Variants in EPHB1 observed in about 807,000 individuals in gnomAD.
The protein encoded by EPHB1 is ephrin type-B receptor 1.
EPHB1 carries 30 observed loss-of-function variants against 94.4 expected under a neutral mutation model. The observed-to-expected ratio is 0.32, with a 90% confidence interval of 0.24 to 0.43. EPHB1 has a LOEUF of 0.43. Ranked by LOEUF, EPHB1 falls within the 20% of genes least tolerant of loss-of-function variation. EPHB1 has a pLI of 1.00. For missense variants in EPHB1, 1,055 were observed against 1,308.3 expected (o/e 0.81, Z 2.99); for synonymous variants, 522 against 489.1 (o/e 1.07, Z -0.89).
At chr3:135,236,979 G>A (rs191005834) in intron 12 of EPHB1, among the ~76,000 whole-genome samples, 8 of 152,176 alleles carry the variant, frequency 5.3e-5, no homozygotes, top group African/African-American at 7.2e-5. Flanking sequence ...TAACCTCACC[G>A]TGGCAAGACA....
intron 3 of EPHB1, among the ~76,000 whole-genome samples, chr3:135,104,091 A>C (rs1452417776): frequency 6.6e-6 from 1 of 152,200 alleles, no homozygotes; most frequent in Non-Finnish European, 1.5e-5. Context: ...TGAATGCTTG[A>C]GTCATCACCT....
At chr3:135,133,107 GGCAGGGACACAGCT>G in intron 5 of EPHB1, 58 bp downstream of exon 5, 1 of 1,490,500 alleles carries the variant, frequency 6.7e-7, no homozygotes, top group Non-Finnish European at 9.1e-7. Flanking sequence ...TTTGTCTCTA[GGCAGGGACACAGCT>G]GCAGCCACAC....
At chr3:135,183,070 C>G (rs1942220447) in intron 10 of EPHB1, among the ~76,000 whole-genome samples, 1 of 119,408 alleles carries the variant, frequency 8.4e-6, no homozygotes, top group Admixed American at 9.2e-5. Flanking sequence ...TTCTTTCTTT[C>G]TTTCTTTCTC....
At chr3:135,155,274 G>GTAGAGA (rs1941316252) in intron 6 of EPHB1, among the ~76,000 whole-genome samples, 1 of 152,140 alleles carries the variant, frequency 6.6e-6, no homozygotes, top group Non-Finnish European at 1.5e-5. Context: ...AAGTAGAGGG[G>GTAGAGA]TAGAGATAGG....
intron 1 of EPHB1, among the ~76,000 whole-genome samples, chr3:134,903,015 C>T (rs1164535837): frequency 6.6e-6 from 1 of 152,234 alleles, no homozygotes; most frequent in Non-Finnish European, 1.5e-5. Context: ...ACCCTGGCCA[C>T]CCTTCCGCAG....
chr3:134,922,578 C>T (rs987820714), intron 1 of EPHB1, among the ~76,000 whole-genome samples: 31 of 152,178 alleles, frequency 2.0e-4, no homozygotes, highest in African/African-American at 3.4e-4. Context: ...AGTCCTTGGA[C>T]GACAAAGAAG....
intron 1 of EPHB1, among the ~76,000 whole-genome samples, chr3:134,819,183 C>T (rs913961099): frequency 9.9e-5 from 15 of 152,124 alleles, no homozygotes; most frequent in Admixed American, 5.9e-4. Flanking sequence ...GAGAAATGGA[C>T]GTTAGGTAGG....
At chr3:135,020,887 T>C (rs1401710688) in intron 3 of EPHB1, among the ~76,000 whole-genome samples, 2 of 152,202 alleles carry the variant, frequency 1.3e-5, no homozygotes, top group Non-Finnish European at 2.9e-5. Context: ...TAAATAGTAA[T>C]AGGGTGAGAG....
intron 15 of EPHB1, among the ~76,000 whole-genome samples, chr3:135,251,474 A>G (rs1559892494): frequency 6.6e-6 from 1 of 152,212 alleles, no homozygotes; most frequent in Non-Finnish European, 1.5e-5. Flanking sequence ...TGACAAAGAT[A>G]AGGGGAAGAC....
chr3:135,189,603 C>T (rs565647438), intron 10 of EPHB1, among the ~76,000 whole-genome samples: 83 of 152,354 alleles, frequency 5.4e-4, no homozygotes, highest in African/African-American at 1.7e-3. Context: ...TGTCAATGTG[C>T]AGGCTGTATC....
chr3:135,077,774 G>C (rs1368990186), intron 3 of EPHB1, among the ~76,000 whole-genome samples: 2 of 152,196 alleles, frequency 1.3e-5, no homozygotes, highest in Non-Finnish European at 2.9e-5. Context: ...ACTGGAAGTA[G>C]GAAGCTCAGG....
In EPHB1 at chr3:134,959,966, C is replaced by CTTTTTTTTTTT. The variant is rs61369813; in HGVS notation, c.805+7946_805+7956dup. Among the ~76,000 whole-genome samples, 27 of 107,416 alleles carry CTTTTTTTTTTT rather than the reference C, an allele frequency of 2.5e-4. 1 individual carries two copies. Among genetic ancestry groups the CTTTTTTTTTTT allele is most frequent in the Non-Finnish European group, 3.8e-4 (20 of 52,114 alleles). 70.5% of individuals were successfully genotyped at this position (107,416 alleles called of 152,430 possible). A position where few individuals can be genotyped will look rare whatever the true frequency, so the allele number is the denominator to read the frequency against. On this transcript the variant is annotated intron_variant, in intron 3 of 15. Coordinates refer to ENST00000398015, the MANE Select transcript of EPHB1 (RefSeq NM_004441.5). ...AGAATTTGAGCACAAACATCTGCAC[C>CTTTTTTTTTTT]TTTTTTTTTTTTTTTTTTTTTTTTT...
chr3:134,851,999 G>A (rs968320979), intron 1 of EPHB1, among the ~76,000 whole-genome samples: 1 of 152,184 alleles, frequency 6.6e-6, no homozygotes, highest in Non-Finnish European at 1.5e-5. Flanking sequence ...CTCTGTCCAA[G>A]GGTGGATTTT....
intron 4 of EPHB1, among the ~76,000 whole-genome samples, chr3:135,122,029 C>T (rs1490422027): frequency 6.6e-6 from 1 of 152,090 alleles, no homozygotes; most frequent in East Asian, 1.9e-4. Context: ...CTGGCCATCT[C>T]CAGGCTCAGG....
intron 1 of EPHB1, among the ~76,000 whole-genome samples, chr3:134,902,391 C>T (rs1017762988): frequency 6.6e-6 from 1 of 152,162 alleles, no homozygotes. Flanking sequence ...GAAGTGGTCT[C>T]CAAAACTCCA....
At chr3:134,967,647 C>A (rs1216174402) in intron 3 of EPHB1, among the ~76,000 whole-genome samples, 1 of 152,170 alleles carries the variant, frequency 6.6e-6, no homozygotes. Flanking sequence ...AAGGCCCTCA[C>A]CAGATGTAGC....
chr3:134,824,750 T>C (rs1021278730), intron 1 of EPHB1, among the ~76,000 whole-genome samples: 2 of 152,196 alleles, frequency 1.3e-5, no homozygotes, highest in African/African-American at 2.4e-5. Context: ...TCTGGGAACC[T>C]AGTCGCTGTG....
chr3:134,846,493 A>T (rs1044359189), intron 1 of EPHB1, among the ~76,000 whole-genome samples: 6 of 152,098 alleles, frequency 3.9e-5, no homozygotes, highest in Non-Finnish European at 5.9e-5. Flanking sequence ...TTGCCCTGGG[A>T]ATTTTATAGC....
intron 1 of EPHB1, among the ~76,000 whole-genome samples, chr3:134,807,553 G>GAGA (rs1367529291): frequency 6.9e-6 from 1 of 145,964 alleles, no homozygotes; most frequent in Non-Finnish European, 1.5e-5. Context: ...GAGAGAGAGG[G>GAGA]GAGAGAGAGA....
Sources: gnomAD v4.1 joint callset for allele counts (sites outside exome capture counted in the v4.1 genomes callset) on GRCh38, gnomAD v4.1.1 for gene constraint, MANE v1.5 for transcripts, NCBI Gene and HGNC (gene_info 2026-07-23, HGNC 2026-07-21) for gene names.